The following ZNF423 variants were observed in gnomAD, a reference collection of about 807,000 sequenced individuals.
ZNF423 encodes zinc finger protein 423, also known as Ebf-associated zinc finger protein.
In ZNF423, 12 loss-of-function variants were observed where a neutral mutation model predicts 95.8. That is an observed-to-expected ratio of 0.13 (90% CI 0.08 to 0.20). The LOEUF (loss-of-function observed/expected upper bound fraction) is 0.20. ZNF423 is among the 10% of genes least tolerant of loss of function. The pLI is 1.00. For synonymous variants in ZNF423, 749 were observed against 711.9 expected (o/e 1.05, Z -0.83); for missense variants, 1,316 against 1,737.1 (o/e 0.76, Z 4.31).
intron 3 of ZNF423, among the ~76,000 whole-genome samples, chr16:49,688,460 C>A (rs143320905): frequency 3.9e-3 from 593 of 152,282 alleles, no homozygotes; most frequent in Non-Finnish European, 7.1e-3. Flanking sequence ...GGGAGGCCAG[C>A]GAGATCCCCG....
rs559326032 is a variant in ZNF423, at chr16:49,832,318, G to C, written c.40+23417C>G. ...TCTGAAAAACAGATTCTGAGCTCAT[G>C]AAATGCCTGTCTTCTGGGGTAGCAG... On this transcript the variant is annotated intron_variant, in intron 1 of 7. Coordinates refer to ENST00000563137, the MANE Select transcript of ZNF423 (RefSeq NM_001379286.1). Among the ~76,000 whole-genome samples the C allele has an allele frequency of 5.6e-4, 85 of 152,340 alleles. 1 individual carries two copies. Among genetic ancestry groups the C allele is most frequent in the Admixed American group, 1.6e-3 (24 of 15,304 alleles).
At chr16:49,520,432 G>A (rs1968349833) in intron 7 of ZNF423, among the ~76,000 whole-genome samples, 1 of 152,190 alleles carries the variant, frequency 6.6e-6, no homozygotes, top group South Asian at 2.1e-4. Flanking sequence ...CGTTTGGAGG[G>A]AGACATGTCA....
At chr16:49,590,029 A>AATATATATAT (rs201361462) in intron 5 of ZNF423, among the ~76,000 whole-genome samples, 2,836 of 97,530 alleles carry the variant, frequency 0.029, 320 homozygotes, top group Non-Finnish European at 0.047. Context: ...GGAAGTGGCG[A>AATATATATAT]ATATATATAT....
chr16:49,747,025 GC>G (rs919324235), intron 2 of ZNF423, among the ~76,000 whole-genome samples: 2 of 152,176 alleles, frequency 1.3e-5, no homozygotes, highest in African/African-American at 2.4e-5. Context: ...AGTGGGGAGA[GC>G]AGAGCGGGCA....
At chr16:49,531,537 T>C (rs1597060811) in intron 5 of ZNF423, among the ~76,000 whole-genome samples, 2 of 152,038 alleles carry the variant, frequency 1.3e-5, no homozygotes, top group East Asian at 3.9e-4. Flanking sequence ...GACTCTGTCC[T>C]TTGTTTCCTG....
intron 5 of ZNF423, among the ~76,000 whole-genome samples, chr16:49,598,971 G>A (rs976752347): frequency 2.0e-5 from 3 of 152,208 alleles, no homozygotes; most frequent in Non-Finnish European, 4.4e-5. Context: ...CTATTGGCTG[G>A]AATGAAAGGC....
intron 3 of ZNF423, among the ~76,000 whole-genome samples, chr16:49,700,755 A>AC (rs2032151527): frequency 6.6e-6 from 1 of 151,724 alleles, no homozygotes; most frequent in Non-Finnish European, 1.5e-5. Flanking sequence ...TGATGGGCAA[A>AC]CCCCCCTCCT....
chr16:49,557,307 G>A (rs535629345), intron 5 of ZNF423, among the ~76,000 whole-genome samples: 61 of 152,338 alleles, frequency 4.0e-4, no homozygotes, highest in African/African-American at 1.4e-3. Flanking sequence ...GGCAGGAGGA[G>A]GGAGGGGGGC....
chr16:49,557,639 G>A (rs115498225), intron 5 of ZNF423, among the ~76,000 whole-genome samples: 226 of 152,312 alleles, frequency 1.5e-3, no homozygotes, highest in African/African-American at 5.1e-3. Context: ...TGGGGCTGGA[G>A]GAGCTGCCAG....
In ZNF423 at chr16:49,603,056, G is replaced by A. The variant is rs990209154; in HGVS notation, c.3601+23114C>T. On this transcript the variant is annotated intron_variant, in intron 5 of 7. Transcript: ENST00000563137. The surrounding 1 kb of genome is among the most constrained non-coding windows in gnomAD (Gnocchi z 4.1). ...GCCAAGGAGAAAGGGAGGATGGGAG[G>A]AGGAGGTTCCGAAACACTGGTGCGA... is the stretch of plus-strand genomic sequence containing the variant. Among the ~76,000 whole-genome samples, 1 of 152,180 alleles carries A rather than the reference G, an allele frequency of 6.6e-6. No individual in the cohort carries two copies. Among genetic ancestry groups the A allele is most frequent in the Non-Finnish European group, 1.5e-5 (1 of 68,034 alleles).
intron 5 of ZNF423, among the ~76,000 whole-genome samples, chr16:49,532,986 C>CGTGGGT (rs1968912637): frequency 6.6e-6 from 1 of 152,154 alleles, no homozygotes; most frequent in South Asian, 2.1e-4. Context: ...CGCATGGGCA[C>CGTGGGT]GTGGGTGTGG....
chr16:49,842,186 C>T (rs762639820), intron 1 of ZNF423, among the ~76,000 whole-genome samples: 36 of 145,132 alleles, frequency 2.5e-4, no homozygotes, highest in Non-Finnish European at 3.3e-4. Flanking sequence ...CACAGTGAAC[C>T]GAGATCGTGG....
intron 4 of ZNF423, among the ~76,000 whole-genome samples, chr16:49,633,795 G>A (rs1373326696): frequency 6.6e-6 from 1 of 152,168 alleles, no homozygotes; most frequent in African/African-American, 2.4e-5. Context: ...GTCCTGAGAG[G>A]GTGGGGTACT....
chr16:49,590,291 G>C (rs1567488293), intron 5 of ZNF423, among the ~76,000 whole-genome samples: 1 of 151,884 alleles, frequency 6.6e-6, no homozygotes, highest in South Asian at 2.1e-4. Flanking sequence ...CTCCTGACCC[G>C]GGCATGCTGC....
At chr16:49,536,816 C>G (rs1191607698) in intron 5 of ZNF423, among the ~76,000 whole-genome samples, 1 of 152,180 alleles carries the variant, frequency 6.6e-6, no homozygotes, top group Non-Finnish European at 1.5e-5. Flanking sequence ...CTGGGTAGTA[C>G]AGAATATTTC....
Position 49,519,613 on chromosome 16 carries a change from T to A in ZNF423, c.3849+4011A>T, listed in dbSNP as rs369158015. Among the ~76,000 whole-genome samples the A allele has an allele frequency of 2.4e-4, 36 of 152,372 alleles. No homozygotes were observed. In the South Asian group the frequency reaches 7.2e-3, roughly 31 times the overall value. ...ATTATGGAGTTTTGAGAGTTCTTCATATAGTCTGGATACAAGTGCTTTATT... is the reference window on the plus strand; with the variant it reads ...ATTATGGAGTTTTGAGAGTTCTTCAAATAGTCTGGATACAAGTGCTTTATT... On this transcript the variant is annotated intron_variant, in intron 7 of 7. Transcript: ENST00000563137.
chr16:49,502,546 G>A (rs72784261), intron 7 of ZNF423, among the ~76,000 whole-genome samples: 19,585 of 151,718 alleles, frequency 0.13, 1,437 homozygotes, highest in East Asian at 0.22. Flanking sequence ...AGAGACAAGC[G>A]CCAGAGTTTG....
chr16:49,556,022 G>A (rs1969814612), intron 5 of ZNF423, among the ~76,000 whole-genome samples: 1 of 152,120 alleles, frequency 6.6e-6, no homozygotes, highest in Non-Finnish European at 1.5e-5. Flanking sequence ...ACAATAACAT[G>A]AGAACCACAG....
At chr16:49,652,748 G>A (rs1160584042) in intron 3 of ZNF423, among the ~76,000 whole-genome samples, 6 of 152,158 alleles carry the variant, frequency 3.9e-5, no homozygotes, top group African/African-American at 1.2e-4. Flanking sequence ...GCCCACATTC[G>A]GCCGTGTTCG....
Sources: gnomAD v4.1 joint callset for allele counts (sites outside exome capture counted in the v4.1 genomes callset) on GRCh38, gnomAD v4.1.1 for gene constraint, Gnocchi (gnomAD v3.1) non-coding constraint, MANE v1.5 for transcripts, NCBI Gene and HGNC (gene_info 2026-07-23, HGNC 2026-07-21) for gene names.